The following INTS6 variants were observed in gnomAD, a reference collection of about 807,000 sequenced individuals.
INTS6 encodes the protein DEAD box protein.
Under a neutral mutation model 104.9 loss-of-function variants are expected in INTS6, and 16 were observed. The ratio of observed to expected loss-of-function variants is 0.15; its 90% confidence interval spans 0.10 to 0.23. The LOEUF (loss-of-function observed/expected upper bound fraction) is 0.23, where lower values mean the gene tolerates loss of function less well. Ranked by LOEUF, INTS6 falls within the 10% of genes least tolerant of loss-of-function variation. The probability of loss-of-function intolerance (pLI) is 1.00; values close to 1 mark genes in which losing one functional copy is unlikely to be tolerated. For synonymous variants in INTS6, 324 were observed against 358.7 expected (o/e 0.90, Z 1.09); for missense variants, 584 against 1,062.8 (o/e 0.55, Z 6.26).
chr13:51,368,538 T>C (rs562669068), intron 16 of INTS6, among the ~76,000 whole-genome samples: 1 of 152,308 alleles, frequency 6.6e-6, no homozygotes, highest in South Asian at 2.1e-4. Flanking sequence ...AAACATATCC[T>C]ATAATATCAC....
Position 51,374,734 on chromosome 13 carries a change from G to T in INTS6, c.1792C>A (p.Pro598Thr). 6.2e-7 allele frequency: 1 copy of T among 1,613,506 alleles called. No homozygotes were observed. Among genetic ancestry groups the T allele is most frequent in the East Asian group, 2.2e-5 (1 of 44,826 alleles). Residue 598 changes from proline (P) to threonine (T), a missense_variant, in exon 14 of 18, where the codon CCT (proline) becomes ACT (threonine). Physicochemically the swap from Pro to Thr is conservative, Grantham distance 38. Around this residue, in one of 5 missense-constraint regions of INTS6, gnomAD observed 296 missense variants for 437.0 expected, o/e 0.68. Coordinates refer to ENST00000311234, the MANE Select transcript of INTS6 (RefSeq NM_012141.3). ...GGATCAAGTTCTCTTAGTGGAGAAG[G>T]TACTTGCTTGAGGTATTCCTGGTAG... ...GNYQEYLKQV[P>T]SPLRELDPDQ...
chr13:51,361,971 C>G lies in INTS6; in HGVS notation c.*3781G>C. 6.2e-7 allele frequency: 1 copy of G among 1,610,928 alleles called. No individual in the cohort carries two copies. The highest frequency in any genetic ancestry group is 8.5e-7 in the Non-Finnish European group (1 of 1,178,320). On this transcript the variant is annotated 3_prime_UTR_variant, in exon 18 of 18. Coordinates refer to ENST00000311234, the MANE Select transcript of INTS6 (RefSeq NM_012141.3). ...CAACAAGGGCTCATTTGTCCACTAT[C>G]CCCTCAAAAATAAGCATTCTTTCTA...
At chr13:51,347,250 G>A in the INTS6 span, 1 of 1,610,450 alleles carries the variant, frequency 6.2e-7, no homozygotes, top group African/African-American at 1.3e-5. Context: ...CTCTGCCCCT[G>A]CTGGTTTGTC....
the INTS6 span, among the ~76,000 whole-genome samples, chr13:51,346,274 T>G: frequency 1.4e-3 from 209 of 152,308 alleles, no homozygotes; most frequent in Middle Eastern, 0.014. Flanking sequence ...GAATATTGTT[T>G]TCTAAGCAAA....
chr13:51,452,311 C>G lies in INTS6; in HGVS notation c.111+104G>C. ...GAGGGGGTCCCCGAGCCCGGCAGCTCCCGCAGTCAGGTCCCCGACACCCCC... is the reference window on the plus strand; with the variant it reads ...GAGGGGGTCCCCGAGCCCGGCAGCTGCCGCAGTCAGGTCCCCGACACCCCC... On this transcript the variant is annotated intron_variant, in intron 1 of 17. Transcript: ENST00000311234. The surrounding 1 kb of genome is among the most constrained non-coding windows in gnomAD (Gnocchi z 4.2). The G allele has an allele frequency of 8.7e-7, 1 of 1,144,878 alleles. No homozygotes were observed. The highest frequency in any genetic ancestry group is 1.6e-5 in the African/African-American group (1 of 61,012). 70.9% of individuals were successfully genotyped at this position (1,144,878 alleles called of 1,614,324 possible). A position where few individuals can be genotyped will look rare whatever the true frequency, so the allele number is the denominator to read the frequency against.
chr13:51,409,674 C>G (rs1956647318), intron 4 of INTS6, among the ~76,000 whole-genome samples: 1 of 151,240 alleles, frequency 6.6e-6, no homozygotes, highest in South Asian at 2.1e-4. Flanking sequence ...ATTGGTGTTC[C>G]TTAAAATTAA....
Position 51,376,170 on chromosome 13 carries a change from A to C in INTS6, c.1607T>G (p.Leu536Trp). The change falls in exon 13 of 18, where the codon TTG (leucine) becomes TGG (tryptophan). Residue 536 changes from leucine (L) to tryptophan (W), a missense_variant. Physicochemically the swap from Leu to Trp is moderately conservative, Grantham distance 61. Coordinates refer to ENST00000311234, the MANE Select transcript of INTS6 (RefSeq NM_012141.3). Reference sequence around the variant, plus strand: ...AGCATTTCTAAATGTCTGTGGCTTCAAATCCTATTAAACAACATTCGAGGA... The same window carrying C: ...AGCATTTCTAAATGTCTGTGGCTTCCAATCCTATTAAACAACATTCGAGGA... ...GFQVALLNKDLKPQTFRNAYD... is the reference protein window; with the variant it reads ...GFQVALLNKDWKPQTFRNAYD... 1.2e-6 allele frequency: 2 copies of C among 1,602,880 alleles called. No homozygotes were observed.
chr13:51,362,768 ACAT>A lies in INTS6; in HGVS notation c.*2981_*2983del, dbSNP rs1192950119. 1 of 152,464 alleles carries A rather than the reference ACAT, an allele frequency of 6.6e-6. No individual in the cohort carries two copies. 9.4% of individuals were successfully genotyped at this position (152,464 alleles called of 1,614,324 possible). On this transcript the variant is annotated 3_prime_UTR_variant, in exon 18 of 18. Transcript: ENST00000311234. ...ATAAATTGTTAAGGAAATACTGTCA[ACAT>A]CATTTTATCTGAGAATCATTTGCAT...
chr13:51,452,280 G>A lies in INTS6; in HGVS notation c.111+135C>T. On this transcript the variant is annotated intron_variant, in intron 1 of 17. Coordinates refer to ENST00000311234, the MANE Select transcript of INTS6 (RefSeq NM_012141.3). This position sits in a 1 kb window ranked among gnomAD's most constrained non-coding sequence, Gnocchi z 4.2. Reference sequence around the variant, plus strand: ...CTCGCAGCGCCCGCCCGCCCGCGCGGTGGGGGAGGGGGTCCCCGAGCCCGG... The same window carrying A: ...CTCGCAGCGCCCGCCCGCCCGCGCGATGGGGGAGGGGGTCCCCGAGCCCGG... 1 of 970,992 alleles carries A rather than the reference G, an allele frequency of 1.0e-6. No homozygotes were observed. The highest frequency in any genetic ancestry group is 1.3e-6 in the Non-Finnish European group (1 of 770,270). 60.1% of individuals were successfully genotyped at this position (970,992 alleles called of 1,614,324 possible).
In INTS6 at chr13:51,367,842, G is replaced by A; in HGVS notation, c.2533C>T (p.Leu845=). ...TTAATGACATTTTGTAAAAATATTAGTCTTGTTTGTAAACTGCCTTGCACA... is the reference window on the plus strand; with the variant it reads ...TTAATGACATTTTGTAAAAATATTAATCTTGTTTGTAAACTGCCTTGCACA... The part of the protein sequence containing the change: ...KHVQGSLQTR[L]IFLQNVIKEA... Residue 845 remains leucine (L), a synonymous_variant, in exon 17 of 18, where the codon CTA becomes TTA. Transcript: ENST00000311234. 1 of 1,592,192 alleles carries A rather than the reference G, an allele frequency of 6.3e-7. No individual in the cohort carries two copies. Among genetic ancestry groups the A allele is most frequent in the Non-Finnish European group, 8.6e-7 (1 of 1,169,010 alleles).
At chr13:51,451,851 T>A (rs1477065111) in intron 2 of INTS6, 127 bp downstream of exon 2, 9 of 571,078 alleles carry the variant, frequency 1.6e-5, no homozygotes, top group Non-Finnish European at 2.4e-5. Flanking sequence ...GGAAGAGACC[T>A]CAGCGGCTGG....
chr13:51,340,337 G>A, the INTS6 span, among the ~76,000 whole-genome samples: 3 of 152,204 alleles, frequency 2.0e-5, no homozygotes, highest in Non-Finnish European at 4.4e-5. Context: ...CCTTGGAAGA[G>A]TACATTTCTG....
chr13:51,360,765 C>G (rs1183710967), downstream of INTS6, among the ~76,000 whole-genome samples: 3 of 151,982 alleles, frequency 2.0e-5, no homozygotes, highest in Admixed American at 2.0e-4. Flanking sequence ...CTCAATAAAG[C>G]CTGTAATAAA....
chr13:51,440,219 C>G (rs879641363), intron 3 of INTS6: 1 of 151,028 alleles, frequency 6.6e-6, no homozygotes, highest in African/African-American at 2.4e-5. Flanking sequence ...CCACTGCACT[C>G]CAGCCTGGGT....
At chr13:51,389,220 C>T in intron 6 of INTS6, 99 bp downstream of exon 6, 1 of 1,291,050 alleles carries the variant, frequency 7.7e-7, no homozygotes, top group Non-Finnish European at 1.1e-6. Context: ...AATAATTTGG[C>T]CTTGCCTATC....
intron 4 of INTS6, among the ~76,000 whole-genome samples, chr13:51,426,277 G>T (rs1956984226): frequency 1.3e-5 from 2 of 152,026 alleles, no homozygotes; most frequent in Admixed American, 6.6e-5. Context: ...CAAGTTATAA[G>T]AAATTGGTTC....
chr13:51,426,818 GAA>G (rs1956993482), intron 4 of INTS6, among the ~76,000 whole-genome samples: 2 of 152,118 alleles, frequency 1.3e-5, no homozygotes, highest in East Asian at 1.9e-4. Flanking sequence ...TAAATTTTAA[GAA>G]CACACAAATT....
At chr13:51,368,780 G>A (rs1452062539) in intron 16 of INTS6, among the ~76,000 whole-genome samples, 159 bp downstream of exon 16, 1 of 152,158 alleles carries the variant, frequency 6.6e-6, no homozygotes, top group Non-Finnish European at 1.5e-5. Flanking sequence ...GATATTTGGT[G>A]TTGGTCAGAT....
chr13:51,369,260 C>T lies in INTS6; in HGVS notation c.2155G>A (p.Val719Ile), dbSNP rs1399666856. 5.6e-6 allele frequency: 9 copies of T among 1,613,394 alleles called. No individual in the cohort carries two copies. Among genetic ancestry groups the T allele is most frequent in the Non-Finnish European group, 6.8e-6 (8 of 1,179,594 alleles). ...SIIHDVVENH[V>I]ADQLSSDITP... is the part of the protein sequence containing the mutation. ...ATGTCTGATGAAAGTTGGTCTGCAA[C>T]ATGATTTTCAACCACATCATGTATT... The change falls in exon 16 of 18, where the codon GTT (valine) becomes ATT (isoleucine). Residue 719 changes from valine to isoleucine, a missense_variant. This residue lies in a region of INTS6 where 296 missense variants were observed against 437.0 expected (regional missense o/e 0.68). Transcript: ENST00000311234.
Sources: gnomAD v4.1 joint callset for allele counts (sites outside exome capture counted in the v4.1 genomes callset) on GRCh38, gnomAD v4.1.1 for gene constraint, gnomAD v4.1.1 regional missense constraint, Gnocchi (gnomAD v3.1) non-coding constraint, MANE v1.5 for transcripts, NCBI Gene and HGNC (gene_info 2026-07-23, HGNC 2026-07-21) for gene names.